HPSE2: variants seen among roughly 807,000 people sequenced by gnomAD.
HPSE2 encodes the protein heparanase 2 (inactive), also known as inactive heparanase-2.
A neutral mutation model predicts 60.5 loss-of-function variants in HPSE2; 38 were observed. The observed-to-expected ratio is 0.63, with a 90% CI of 0.48 to 0.82. The LOEUF is 0.82. HPSE2 is among the 40% of genes least tolerant of loss of function. HPSE2 has a pLI of 0.00. For synonymous variants in HPSE2, 295 were observed against 293.2 expected (o/e 1.01, Z -0.06); for missense variants, 713 against 740.4 (o/e 0.96, Z 0.43).
At chr10:99,110,965 T>C (rs1452964588) in intron 3 of HPSE2, among the ~76,000 whole-genome samples, 1 of 152,214 alleles carries the variant, frequency 6.6e-6, no homozygotes, top group Non-Finnish European at 1.5e-5. Context: ...TTTTAATCCA[T>C]GATCCATGAG....
chr10:99,080,799 G>C (rs1564791034), intron 3 of HPSE2, among the ~76,000 whole-genome samples: 1 of 152,160 alleles, frequency 6.6e-6, no homozygotes, highest in Non-Finnish European at 1.5e-5. Flanking sequence ...CTTGCCAAAT[G>C]CATTCTCTTA....
At position 98,730,718 on chromosome 10, in the gene HPSE2, A is replaced by T. The variant is rs575193014; in HGVS notation, c.785-8890T>A. Among the ~76,000 whole-genome samples the T allele has an allele frequency of 6.6e-5, 10 of 152,268 alleles. 1 individual carries two copies. Among genetic ancestry groups the T allele is most frequent in the African/African-American group, 1.9e-4 (8 of 41,570 alleles). ...TTAGAAAACTTAAATAAAATGGTAAATTTTTTTAAAAAATGCAGAAATTAT... is the reference window on the plus strand; with the variant it reads ...TTAGAAAACTTAAATAAAATGGTAATTTTTTTTAAAAAATGCAGAAATTAT... On this transcript the variant is annotated intron_variant, in intron 4 of 11. Coordinates refer to ENST00000370552, the MANE Select transcript of HPSE2 (RefSeq NM_021828.5).
At chr10:98,751,085 C>T (rs906599305) in intron 3 of HPSE2, among the ~76,000 whole-genome samples, 1 of 152,072 alleles carries the variant, frequency 6.6e-6, no homozygotes, top group South Asian at 2.1e-4. Context: ...TCCTTGATTC[C>T]GTATTCAGAA....
upstream of HPSE2, among the ~76,000 whole-genome samples, chr10:99,236,126 T>G (rs1302201101): frequency 6.6e-6 from 1 of 151,418 alleles, no homozygotes; most frequent in East Asian, 1.9e-4. Context: ...CACCGCCCCT[T>G]TAAGAGATTT....
At chr10:98,545,049 T>C (rs1484921157) in intron 9 of HPSE2, among the ~76,000 whole-genome samples, 1 of 151,850 alleles carries the variant, frequency 6.6e-6, no homozygotes, top group Non-Finnish European at 1.5e-5. Flanking sequence ...AACTAGAAAA[T>C]CTAGAAGAAA....
Position 98,721,741 on chromosome 10 carries a change from T to G in HPSE2, c.872A>C (p.Gln291Pro). The change falls in exon 5 of 12, where the codon CAG becomes CCG. Residue 291 changes from glutamine (Q) to proline (P), a missense_variant. Physicochemically the swap from Gln to Pro is moderately conservative, Grantham distance 76. Transcript: ENST00000370552. Reference protein sequence around the residue: ...KDYIQLKSLLQPIRIYSRASL... With the variant: ...KDYIQLKSLLPPIRIYSRASL... ...GGCTCTGGAATAAATCCGGATGGGC[T>G]GCAACAGGCTCTTCAGCTGGATGTA... 6.2e-7 allele frequency: 1 copy of G among 1,613,800 alleles called. No individual in the cohort carries two copies. The highest frequency in any genetic ancestry group is 8.5e-7 in the Non-Finnish European group (1 of 1,179,892).
At chr10:98,782,926 A>ATTTTTTTTTTTTTTTTT (rs773521357) in intron 3 of HPSE2, among the ~76,000 whole-genome samples, 1 of 124,520 alleles carries the variant, frequency 8.0e-6, no homozygotes, top group African/African-American at 3.1e-5. Context: ...TTTTTTTTTT[A>ATTTTTTTTTTTTTTTTT]TTTTTTTTTT....
intron 3 of HPSE2, among the ~76,000 whole-genome samples, chr10:99,041,856 G>T (rs560559445): frequency 6.6e-6 from 1 of 152,162 alleles, no homozygotes; most frequent in Non-Finnish European, 1.5e-5. Flanking sequence ...CTACCCTGAG[G>T]CTGGGAAGGG....
chr10:98,764,988 C>T (rs1261526375), intron 3 of HPSE2, among the ~76,000 whole-genome samples: 1 of 152,064 alleles, frequency 6.6e-6, no homozygotes, highest in Non-Finnish European at 1.5e-5. Flanking sequence ...CAAAATATAA[C>T]AATCCTAAAA....
intron 3 of HPSE2, among the ~76,000 whole-genome samples, chr10:99,141,157 TG>T (rs999407330): frequency 6.6e-6 from 1 of 152,204 alleles, no homozygotes; most frequent in African/African-American, 2.4e-5. Flanking sequence ...ATCTGATTCC[TG>T]TTCTTTTTTT....
chr10:99,182,889 G>A (rs11819454), intron 2 of HPSE2, among the ~76,000 whole-genome samples: 1 of 151,906 alleles, frequency 6.6e-6, no homozygotes, highest in Non-Finnish European at 1.5e-5. Context: ...CCAGCTACTC[G>A]GGAGGCTGAG....
intron 4 of HPSE2, among the ~76,000 whole-genome samples, chr10:98,734,694 T>C (rs1439963533): frequency 6.6e-6 from 1 of 152,216 alleles, no homozygotes; most frequent in Non-Finnish European, 1.5e-5. Context: ...AATATTCTTT[T>C]AACTGCTTCT....
At chr10:98,630,191 TTTTG>T (rs1288782956) in intron 7 of HPSE2, among the ~76,000 whole-genome samples, 1 of 149,542 alleles carries the variant, frequency 6.7e-6, no homozygotes, top group African/African-American at 2.5e-5. Flanking sequence ...TCGTTTTTTT[TTTTG>T]TTTTTTTTTT....
At chr10:99,096,810 TG>T (rs757569898) in intron 3 of HPSE2, among the ~76,000 whole-genome samples, 19 of 152,180 alleles carry the variant, frequency 1.2e-4, no homozygotes, top group Non-Finnish European at 2.5e-4. Context: ...ACAGCAATCA[TG>T]ATATGGGACT....
chr10:98,717,836 T>C (rs975892737), intron 5 of HPSE2, among the ~76,000 whole-genome samples: 1 of 152,072 alleles, frequency 6.6e-6, no homozygotes, highest in Non-Finnish European at 1.5e-5. Context: ...TTATAAAAAA[T>C]TCAATATATG....
At chr10:98,683,666 A>G (rs1947841554) in intron 6 of HPSE2, among the ~76,000 whole-genome samples, 1 of 152,024 alleles carries the variant, frequency 6.6e-6, no homozygotes, top group Non-Finnish European at 1.5e-5. Context: ...AAGAGAAAAT[A>G]TATAAAAATT....
At chr10:99,286,325 T>C in the HPSE2 span, among the ~76,000 whole-genome samples, 4 of 152,202 alleles carry the variant, frequency 2.6e-5, no homozygotes, top group African/African-American at 4.8e-5. Flanking sequence ...ATCCACGTTG[T>C]CTATCATCAG....
chr10:99,219,229 G>A (rs911538575), intron 2 of HPSE2, among the ~76,000 whole-genome samples: 12 of 152,160 alleles, frequency 7.9e-5, no homozygotes, highest in African/African-American at 2.4e-4. Context: ...GCATCCCACA[G>A]AGTGCTCTCA....
chr10:98,486,958 C>T (rs945582822), intron 10 of HPSE2, among the ~76,000 whole-genome samples: 2 of 152,140 alleles, frequency 1.3e-5, no homozygotes, highest in African/African-American at 4.8e-5. Flanking sequence ...GCCTCAGGAA[C>T]CATTTTTATG....
Sources: allele counts gnomAD v4.1 joint callset (sites outside exome capture counted in the v4.1 genomes callset), GRCh38; gene constraint gnomAD v4.1.1; transcripts MANE v1.5; gene names NCBI Gene and HGNC (gene_info 2026-07-23, HGNC 2026-07-21).